The following LUC7L variants were observed in gnomAD, a reference collection of about 807,000 sequenced individuals.
LUC7L encodes putative RNA-binding protein Luc7-like 1.
In LUC7L, 29 loss-of-function variants were observed where a neutral mutation model predicts 51.1. The ratio of observed to expected loss-of-function variants is 0.57; its 90% CI spans 0.42 to 0.77. The LOEUF (loss-of-function observed/expected upper bound fraction) is 0.77. Ranked by LOEUF, LUC7L falls within the 30% of genes least tolerant of loss-of-function variation. The pLI, the probability that LUC7L is intolerant of heterozygous loss-of-function variation, is 0.00. For missense variants in LUC7L, 403 were observed against 511.9 expected, an observed-to-expected ratio of 0.79 and a Z score of 2.05; for synonymous variants, 181 against 180.7, an observed-to-expected ratio of 1.00 and a Z score of -0.01.
intron 1 of LUC7L, 71 bp from the exon 2 acceptor site, chr16:227,407 A>G: frequency 6.5e-7 from 1 of 1,536,670 alleles, no homozygotes; most frequent in Middle Eastern, 2.0e-4. Flanking sequence ...CTAGTATAAC[A>G]ATTCACCTGG....
rs561019473 is a variant in LUC7L, at chr16:218,120, G to A, written c.255+2529C>T. ...AGGTAGGAGAATCGCTTGAACCCAG[G>A]AGGTGGAGGTTACAGTGAGCTAAGA... On this transcript the variant is annotated intron_variant, in intron 3 of 9. Coordinates refer to ENST00000293872, the MANE Select transcript of LUC7L (RefSeq NM_201412.3). 2.0e-5 allele frequency among the ~76,000 whole-genome samples: 3 copies of A among 152,046 alleles called. No individual in the cohort carries two copies. In the East Asian group the frequency reaches 5.8e-4, roughly 29 times the overall value.
At chr16:201,675 G>A (rs959106909) in intron 5 of LUC7L, among the ~76,000 whole-genome samples, 5 of 148,920 alleles carry the variant, frequency 3.4e-5, no homozygotes, top group African/African-American at 7.4e-5. Flanking sequence ...TCCTGACCTC[G>A]TGATCCACCC....
At chr16:200,937 C>T (rs1176711694) in intron 5 of LUC7L, among the ~76,000 whole-genome samples, 1 of 151,878 alleles carries the variant, frequency 6.6e-6, no homozygotes, top group Non-Finnish European at 1.5e-5. Flanking sequence ...GCAATCCCAG[C>T]ACTTTGGGAG....
chr16:207,584 A>C (rs2142075976), intron 4 of LUC7L, among the ~76,000 whole-genome samples: 1 of 152,336 alleles, frequency 6.6e-6, no homozygotes, highest in East Asian at 1.9e-4. Context: ...GGAGAGAATA[A>C]AAAGACAGAG....
chr16:221,160 C>T (rs551054052), intron 2 of LUC7L, among the ~76,000 whole-genome samples: 3 of 145,658 alleles, frequency 2.1e-5, no homozygotes, highest in Admixed American at 7.0e-5. Context: ...GCTGGGATTA[C>T]AGGCACGTGA....
In LUC7L at chr16:224,606, G is replaced by A. The variant is rs575081982; in HGVS notation, c.156+2636C>T. Among the ~76,000 whole-genome samples, 7 of 151,974 alleles carry A rather than the reference G, an allele frequency of 4.6e-5. No homozygotes were observed. In the East Asian group the frequency reaches 1.4e-3, roughly 29 times the overall value. On this transcript the variant is annotated intron_variant, in intron 2 of 9. Coordinates refer to ENST00000293872, the MANE Select transcript of LUC7L (RefSeq NM_201412.3). The stretch of plus-strand genomic sequence containing the variant: ...GCACTTTGGGAGGCAGAGGTGGGTG[G>A]ATCACCTGAAGTCAGGAGTTTGAGA...
chr16:223,961 A>G (rs912387482), intron 2 of LUC7L, among the ~76,000 whole-genome samples: 1 of 151,928 alleles, frequency 6.6e-6, no homozygotes, highest in African/African-American at 2.4e-5. Context: ...TACAGGTATG[A>G]GCCACCGCAC....
At chr16:223,572 A>AAGACTT (rs531377201) in intron 2 of LUC7L, among the ~76,000 whole-genome samples, 71 of 152,288 alleles carry the variant, frequency 4.7e-4, no homozygotes, top group African/African-American at 1.7e-3. Context: ...GGTTACATAG[A>AAGACTT]AGACTTAGAG....
intron 5 of LUC7L, among the ~76,000 whole-genome samples, chr16:201,478 C>T (rs1001327216): frequency 3.3e-5 from 5 of 150,196 alleles, no homozygotes; most frequent in Admixed American, 6.6e-5. Flanking sequence ...CTCGCTCTGT[C>T]GCCCAGCCTG....
At chr16:224,706 G>A (rs1364939829) in intron 2 of LUC7L, among the ~76,000 whole-genome samples, 7 of 151,632 alleles carry the variant, frequency 4.6e-5, no homozygotes, top group South Asian at 4.2e-4. Context: ...GGTGGCGGGC[G>A]CCTATAATCC....
At position 190,029 on chromosome 16, in the gene LUC7L, G is replaced by C; in HGVS notation, c.913C>G (p.Arg305Gly). 6.2e-7 allele frequency: 1 copy of C among 1,614,012 alleles called. No homozygotes were observed. Among genetic ancestry groups the C allele is most frequent in the Non-Finnish European group, 8.5e-7 (1 of 1,179,998 alleles). Reference sequence around the variant, plus strand: ...TGTCCCCGGCTGTGGCTCCGGGAACGGCTGCGGTGGCGCCGATGTCTATCT... The same window carrying C: ...TGTCCCCGGCTGTGGCTCCGGGAACCGCTGCGGTGGCGCCGATGTCTATCT... Reference protein sequence around the residue: ...SRDRHRRHRSRSRSHSRGHRR... With the variant: ...SRDRHRRHRSGSRSHSRGHRR... Residue 305 changes from arginine (R) to glycine (G), a missense_variant, in exon 9 of 10, where the codon CGT becomes GGT. Transcript: ENST00000293872.
chr16:217,120 C>A (rs2049825234), intron 3 of LUC7L, among the ~76,000 whole-genome samples: 1 of 151,924 alleles, frequency 6.6e-6, no homozygotes, highest in Non-Finnish European at 1.5e-5. Context: ...GGGTTCAAGC[C>A]ATTCTCCTGC....
chr16:213,428 G>A (rs1045224844), intron 3 of LUC7L, among the ~76,000 whole-genome samples: 11 of 151,864 alleles, frequency 7.2e-5, no homozygotes, highest in African/African-American at 1.2e-4. Context: ...GAGACACAGC[G>A]TCATCTTGTC....
chr16:190,728 A>C, intron 7 of LUC7L, 158 bp from the exon 8 acceptor site: 1 of 655,846 alleles, frequency 1.5e-6, no homozygotes, highest in African/African-American at 1.8e-5. Context: ...GAGAACACAA[A>C]ACCTGGCCAG....
intron 2 of LUC7L, among the ~76,000 whole-genome samples, chr16:222,269 ACCCAACAT>A (rs2049991465): frequency 6.6e-6 from 1 of 150,382 alleles, no homozygotes; most frequent in South Asian, 2.1e-4. Context: ...TGTTAACAAA[ACCCAACAT>A]CCCAACTAGG....
At position 205,219 on chromosome 16, in the gene LUC7L, T is replaced by A. The variant is rs549202442; in HGVS notation, c.510+785A>T. Among the ~76,000 whole-genome samples, 68 of 152,270 alleles carry A rather than the reference T, an allele frequency of 4.5e-4. 1 individual carries two copies. The South Asian group carries it at 0.012, about 28-fold the overall frequency. ...TTAGAGACAGGGTCTTGCTATGTTA[T>A]CCAGGCTGGACTCCAAAAGTCCTAG... On this transcript the variant is annotated intron_variant, in intron 5 of 9. Coordinates refer to ENST00000293872, the MANE Select transcript of LUC7L (RefSeq NM_201412.3).
At chr16:218,185 C>A (rs2049862441) in intron 3 of LUC7L, among the ~76,000 whole-genome samples, 1 of 151,474 alleles carries the variant, frequency 6.6e-6, no homozygotes, top group Admixed American at 6.6e-5. Flanking sequence ...AACAGTGACA[C>A]TCCGTCTCAA....
intron 4 of LUC7L, among the ~76,000 whole-genome samples, chr16:207,707 T>G (rs2049522310): frequency 6.6e-6 from 1 of 151,950 alleles, no homozygotes; most frequent in Non-Finnish European, 1.5e-5. Context: ...GTGCTGAGGG[T>G]CAGTTAATAG....
intron 2 of LUC7L, among the ~76,000 whole-genome samples, chr16:226,463 T>C (rs1264810126): frequency 6.6e-6 from 1 of 152,224 alleles, no homozygotes; most frequent in Non-Finnish European, 1.5e-5. Context: ...TATACAAAGC[T>C]AGCGTTTATC....
Sources: gnomAD v4.1 joint callset for allele counts (sites outside exome capture counted in the v4.1 genomes callset) on GRCh38, gnomAD v4.1.1 for gene constraint, MANE v1.5 for transcripts, NCBI Gene and HGNC (gene_info 2026-07-23, HGNC 2026-07-21) for gene names.